Variants in SERPINB4 observed in about 807,000 individuals in gnomAD.
The protein encoded by SERPINB4 is serpin B4.
In SERPINB4, 39 loss-of-function variants were observed where a neutral mutation model predicts 33.2. The ratio of observed to expected loss-of-function variants is 1.18; its 90% CI spans 0.91 to 1.53. SERPINB4 has a LOEUF of 1.53. SERPINB4 is among the 40% of genes most tolerant of loss of function. The probability of loss-of-function intolerance (pLI) is 0.00; values close to 1 mark genes in which losing one functional copy is unlikely to be tolerated. For synonymous variants in SERPINB4, 191 were observed against 166.4 expected, an observed-to-expected ratio of 1.15 and a Z score of -1.14; for missense variants, 564 against 455.4, an observed-to-expected ratio of 1.24 and a Z score of -2.17.
Position 63,643,536 on chromosome 18 carries a change from A to G in SERPINB4, c.42T>C (p.Asp14=), listed in dbSNP as rs148496054. 1,655 of 1,612,776 alleles carry G rather than the reference A, an allele frequency of 1.0e-3. 11 individuals carry two copies. The African/African-American group carries it at 0.012, about 12-fold the overall frequency. The change falls in exon 2 of 8, where the codon GAT becomes GAC. Residue 14 remains aspartate (D), a synonymous_variant. Transcript: ENST00000341074. ...TTGATTTTCTGAACTGTTGGAACAG[A>G]TCGAACATGAACTTGGTGTTGGCTT... The part of the protein sequence containing the change: ...LSEANTKFMF[D]LFQQFRKSKE...
intron 4 of SERPINB4, among the ~76,000 whole-genome samples, chr18:63,641,268 A>G (rs958385111): frequency 3.3e-5 from 5 of 152,120 alleles, no homozygotes; most frequent in African/African-American, 1.2e-4. Flanking sequence ...GGCTTCCCTG[A>G]AGGAGATTCA....
chr18:63,641,896 C>T lies in SERPINB4; in HGVS notation c.223-8G>A, dbSNP rs1192863872. The T allele has an allele frequency of 1.9e-6, 3 of 1,611,918 alleles. No individual in the cohort carries two copies. Among genetic ancestry groups the T allele is most frequent in the South Asian group, 2.2e-5 (2 of 90,854 alleles). ...ATTTCCTGACCTATCAACCTTCAAA[C>T]ATCAAAAAGGGAGATCATTCAATTG... On this transcript the variant is annotated splice_region_variant and splice_polypyrimidine_tract_variant and intron_variant, in intron 3 of 7. Coordinates refer to ENST00000341074, the MANE Select transcript of SERPINB4 (RefSeq NM_002974.4).
In SERPINB4 at chr18:63,641,950, C is replaced by T. The variant is rs970492296; in HGVS notation, c.223-62G>A. 9.4e-6 allele frequency: 15 copies of T among 1,603,856 alleles called. No individual in the cohort carries two copies. The African/African-American group carries it at 2.0e-4, about 21-fold the overall frequency. ...TATCAATGTAAATACTAAACCCATG[C>T]TAAGTCTGTTAGATCAGTCCCTAAA... On this transcript the variant is annotated intron_variant, in intron 3 of 7. Transcript: ENST00000341074.
intron 4 of SERPINB4, 102 bp downstream of exon 4, chr18:63,641,658 C>A: frequency 6.3e-7 from 1 of 1,578,470 alleles, no homozygotes; most frequent in Non-Finnish European, 8.7e-7. Context: ...TGCTCTCCAC[C>A]TGAGTCGGCC....
Position 63,637,529 on chromosome 18 carries a change from T to C in SERPINB4, c.*190A>G. On this transcript the variant is annotated 3_prime_UTR_variant, in exon 8 of 8. Transcript: ENST00000341074. ...TTTTCTGGAAGGAAAAGTACATTTATATGTGGGCTTATTAAGAGAAAGAGA... is the reference window on the plus strand; with the variant it reads ...TTTTCTGGAAGGAAAAGTACATTTACATGTGGGCTTATTAAGAGAAAGAGA... 1.8e-6 allele frequency: 1 copy of C among 569,600 alleles called. No individual in the cohort carries two copies. The highest frequency in any genetic ancestry group is 3.7e-5 in the South Asian group (1 of 26,904). 35.3% of individuals were successfully genotyped at this position (569,600 alleles called of 1,614,324 possible). A position where few individuals can be genotyped will look rare whatever the true frequency, so the allele number is the denominator to read the frequency against.
At chr18:63,639,147 C>T (rs551735270) in intron 7 of SERPINB4, 38 bp downstream of exon 7, 72 of 1,538,166 alleles carry the variant, frequency 4.7e-5, no homozygotes, top group Middle Eastern at 4.7e-4. Context: ...GAAAAATGTC[C>T]GGCAGTAGAA....
intron 6 of SERPINB4, 100 bp downstream of exon 6, chr18:63,639,534 A>G (rs1913053309): frequency 6.6e-6 from 7 of 1,054,462 alleles, no homozygotes; most frequent in Non-Finnish European, 8.2e-6. Context: ...ACAGACATGA[A>G]CAATTTTTAT....
In SERPINB4 at chr18:63,643,393, G is replaced by A. The variant is rs147566735; in HGVS notation, c.165+20C>T. 3,964 of 1,613,418 alleles carry A rather than the reference G, an allele frequency of 2.5e-3. 12 individuals carry two copies. Among genetic ancestry groups the A allele is most frequent in the African/African-American group, 7.4e-3 (553 of 74,998 alleles). ...CAGAGAAAAACTGCAACAGGACAACGTAATGATGCTGATAGCTACCTTGCT... is the reference window on the plus strand; with the variant it reads ...CAGAGAAAAACTGCAACAGGACAACATAATGATGCTGATAGCTACCTTGCT... On this transcript the variant is annotated intron_variant, in intron 2 of 7. Coordinates refer to ENST00000341074, the MANE Select transcript of SERPINB4 (RefSeq NM_002974.4).
chr18:63,643,227 A>T lies in SERPINB4; in HGVS notation c.166-10T>A, dbSNP rs2144476684. ...GATCAAAGTGAAGAACCTGGAAGAG[A>T]CATGAAGCGGGACAAGAAAACTTTA... On this transcript the variant is annotated splice_polypyrimidine_tract_variant and intron_variant, in intron 2 of 7. Transcript: ENST00000341074. 1.9e-6 allele frequency: 3 copies of T among 1,613,340 alleles called. No homozygotes were observed. The highest frequency in any genetic ancestry group is 2.5e-6 in the Non-Finnish European group (3 of 1,179,616).
chr18:63,639,450 T>TTCCATGAG, intron 6 of SERPINB4, 110 bp from the exon 7 acceptor site: 1 of 1,185,922 alleles, frequency 8.4e-7, no homozygotes, highest in Non-Finnish European at 1.2e-6. Context: ...AACCCAGGAA[T>TTCCATGAG]TCCATGAGTT....
rs769666295 is a variant in SERPINB4 at position 63,638,080 on chromosome 18, C to T, written c.812G>A (p.Ser271Asn). The T allele has an allele frequency of 6.2e-7, 1 of 1,613,224 alleles. No homozygotes were observed. Among genetic ancestry groups the T allele is most frequent in the African/African-American group, 1.3e-5 (1 of 74,844 alleles). Residue 271 changes from serine to asparagine, a missense_variant, in exon 8 of 8, where the codon AGT becomes AAT. By Grantham distance (46) the Ser-to-Asn change is conservative. Transcript: ENST00000341074. Reference sequence around the variant, plus strand: ...ACATGTCTCTCTCATATTCTGCAAACTTGTCCATTCCATCAATTTCTCAGC... The same window carrying T: ...ACATGTCTCTCTCATATTCTGCAAATTTGTCCATTCCATCAATTTCTCAGC... ...LTAEKLMEWTSLQNMRETCVD... is the reference protein window; with the variant it reads ...LTAEKLMEWTNLQNMRETCVD...
At chr18:63,642,363 C>A (rs1913163577) in intron 3 of SERPINB4, among the ~76,000 whole-genome samples, 1 of 152,058 alleles carries the variant, frequency 6.6e-6, no homozygotes, top group African/African-American at 2.4e-5. Flanking sequence ...TGGCTCTTTC[C>A]TCATGATGGT....
intron 7 of SERPINB4, among the ~76,000 whole-genome samples, chr18:63,638,962 A>T (rs549844576): frequency 6.6e-6 from 1 of 152,016 alleles, no homozygotes; most frequent in South Asian, 2.1e-4. Context: ...AAAGTATTAT[A>T]ATAATAATAA....
intron 3 of SERPINB4, among the ~76,000 whole-genome samples, chr18:63,642,645 G>A (rs1326018671): frequency 1.3e-5 from 2 of 151,900 alleles, no homozygotes; most frequent in African/African-American, 2.4e-5. Flanking sequence ...AATATACTTG[G>A]ACTTGTGCTT....
rs563519767 is a variant in SERPINB4 at position 63,643,552 on chromosome 18, G to T, written c.26C>A (p.Thr9Asn). ...TTGGAACAGATCGAACATGAACTTG[G>T]TGTTGGCTTCACTGAGTGAATTCAT... MNSLSEAN[T>N]KFMFDLFQQF... The change falls in exon 2 of 8, where the codon ACC becomes AAC. Residue 9 changes from threonine (T) to asparagine (N), a missense_variant. Transcript: ENST00000341074. 821 of 1,613,562 alleles carry T rather than the reference G, an allele frequency of 5.1e-4. 14 individuals carry two copies. The South Asian group carries it at 8.6e-3, about 17-fold the overall frequency.
At chr18:63,639,149 G>C (rs1226581689) in intron 7 of SERPINB4, 36 bp downstream of exon 7, 1 of 1,540,294 alleles carries the variant, frequency 6.5e-7, no homozygotes, top group African/African-American at 1.4e-5. Context: ...AAAATGTCCG[G>C]CAGTAGAAGG....
At chr18:63,639,144 G>C (rs1343967780) in intron 7 of SERPINB4, 41 bp downstream of exon 7, 1 of 1,539,808 alleles carries the variant, frequency 6.5e-7, no homozygotes, top group South Asian at 1.2e-5. Flanking sequence ...TTGGAAAAAT[G>C]TCCGGCAGTA....
At chr18:63,639,902 T>C in intron 5 of SERPINB4, 126 bp from the exon 6 acceptor site, 1 of 869,426 alleles carries the variant, frequency 1.2e-6, no homozygotes, top group Non-Finnish European at 1.8e-6. Flanking sequence ...ACTCACTGAC[T>C]TTGATCTTTG....
chr18:63,639,135 T>G (rs1598925634), intron 7 of SERPINB4, 50 bp downstream of exon 7: 3 of 1,531,550 alleles, frequency 2.0e-6, no homozygotes, highest in Non-Finnish European at 2.7e-6. Context: ...TTGGTATCTT[T>G]GGAAAAATGT....
Sources: gnomAD v4.1 joint callset for allele counts (sites outside exome capture counted in the v4.1 genomes callset) on GRCh38, gnomAD v4.1.1 for gene constraint, MANE v1.5 for transcripts, NCBI Gene and HGNC (gene_info 2026-07-23, HGNC 2026-07-21) for gene names.